The following WDR43 variants were observed in gnomAD, a reference collection of about 807,000 sequenced individuals.
WDR43 encodes WD repeat-containing protein 43.
WDR43 carries 13 observed loss-of-function variants against 91.4 expected under a neutral mutation model. The ratio of observed to expected loss-of-function variants is 0.14; its 90% CI spans 0.09 to 0.23. WDR43 has a LOEUF of 0.23. WDR43 is among the 10% of genes least tolerant of loss of function. The pLI, the probability that WDR43 is intolerant of heterozygous loss-of-function variation, is 1.00. For missense variants in WDR43, 780 were observed against 809.4 expected (o/e 0.96, Z 0.44); for synonymous variants, 331 against 287.9 (o/e 1.15, Z -1.51).
rs150831270 is a variant in WDR43 at position 28,946,964 on chromosome 2, A to G, written c.*185A>G. 2.4e-3 allele frequency: 1,441 copies of G among 598,938 alleles called. 33 individuals are homozygous for G. In the East Asian group the frequency reaches 0.04, roughly 17 times the overall value. 37.1% of individuals were successfully genotyped at this position (598,938 alleles called of 1,614,324 possible). ...CTGTGTAAATAAGAGTGTTTCATTC[A>G]AATGTTAATAAACTTTACACAGTAT... On this transcript the variant is annotated 3_prime_UTR_variant, in exon 18 of 18. Coordinates refer to ENST00000407426, the MANE Select transcript of WDR43 (RefSeq NM_015131.3).
At chr2:28,932,350 A>G (rs533625914) in intron 11 of WDR43, among the ~76,000 whole-genome samples, 20 of 152,222 alleles carry the variant, frequency 1.3e-4, no homozygotes, top group Non-Finnish European at 2.2e-4. Context: ...TTTAGTAGAG[A>G]CAGGACTTCA....
intron 5 of WDR43, among the ~76,000 whole-genome samples, chr2:28,914,528 G>C (rs1239051409): frequency 6.6e-6 from 1 of 152,224 alleles, no homozygotes; most frequent in African/African-American, 2.4e-5. Context: ...GGTTAATGCA[G>C]TAGTGTCTGT....
intron 4 of WDR43, among the ~76,000 whole-genome samples, 199 bp downstream of exon 4, chr2:28,912,909 A>G (rs1670830661): frequency 6.6e-6 from 1 of 150,728 alleles, no homozygotes; most frequent in African/African-American, 2.5e-5. Flanking sequence ...CTTCAAACGT[A>G]TTGGAAAAAT....
At chr2:28,898,695 TA>T (rs765987185) in intron 1 of WDR43, among the ~76,000 whole-genome samples, 225 of 146,708 alleles carry the variant, frequency 1.5e-3, no homozygotes, top group African/African-American at 5.1e-3. Context: ...ATTGTAACAT[TA>T]AAAAAAAAAC....
intron 14 of WDR43, among the ~76,000 whole-genome samples, chr2:28,938,705 C>G (rs986171294): frequency 6.6e-6 from 1 of 152,148 alleles, no homozygotes; most frequent in African/African-American, 2.4e-5. Flanking sequence ...TGTCACAGTC[C>G]CTTGTTCTCT....
At position 28,935,580 on chromosome 2, in the gene WDR43, G is replaced by A. The variant is rs1671322275; in HGVS notation, c.1497G>A (p.Leu499=). 6.3e-7 allele frequency: 1 copy of A among 1,597,428 alleles called. No homozygotes were observed. The highest frequency in any genetic ancestry group is 8.5e-7 in the Non-Finnish European group (1 of 1,173,006). ...AGAAGACTGTATTAAGGATGCCCCT[G>A]CATACTATTATTCCGTTGTTACAAG... ...LIKKTVLRMP[L]HTIIPLLQEL... is the part of the protein sequence containing the mutation. Residue 499 remains leucine, a synonymous_variant, in exon 12 of 18, where the codon CTG becomes CTA. Transcript: ENST00000407426.
chr2:28,930,408 T>G (rs1238082931), intron 11 of WDR43, among the ~76,000 whole-genome samples: 1 of 152,232 alleles, frequency 6.6e-6, no homozygotes, highest in East Asian at 1.9e-4. Flanking sequence ...TGCTAATGCA[T>G]TTATTCTTAA....
At chr2:28,898,091 T>C (rs757255862) in intron 1 of WDR43, among the ~76,000 whole-genome samples, 1 of 152,246 alleles carries the variant, frequency 6.6e-6, no homozygotes, top group African/African-American at 2.4e-5. Flanking sequence ...ACCTAGGAAC[T>C]GATGCTGCTA....
intron 15 of WDR43, 131 bp downstream of exon 15, chr2:28,941,705 A>C: frequency 4.6e-6 from 3 of 658,466 alleles, no homozygotes; most frequent in Non-Finnish European, 7.7e-6. Context: ...ATCATAGCTC[A>C]CTGCAGCCTC....
Position 28,921,665 on chromosome 2 carries a change from G to A in WDR43, c.850-1254G>A, listed in dbSNP as rs72856130. Among the ~76,000 whole-genome samples the A allele has an allele frequency of 3.1e-3, 470 of 152,206 alleles. 3 individuals are homozygous for A. Among genetic ancestry groups the A allele is most frequent in the African/African-American group, 0.011 (454 of 41,530 alleles). ...GCCTGTCAGTTGGAGTTGCAGAACG[G>A]GGAACTAGAAAATTTGATGGCGGAG... On this transcript the variant is annotated intron_variant, in intron 6 of 17. Transcript: ENST00000407426.
intron 12 of WDR43, among the ~76,000 whole-genome samples, chr2:28,935,913 G>A (rs929662119): frequency 9.9e-5 from 15 of 152,136 alleles, no homozygotes; most frequent in Non-Finnish European, 2.1e-4. Flanking sequence ...TCATCTACAT[G>A]GGAATAATTG....
At chr2:28,914,464 T>A (rs1670869841) in intron 5 of WDR43, among the ~76,000 whole-genome samples, 1 of 152,228 alleles carries the variant, frequency 6.6e-6, no homozygotes, top group Non-Finnish European at 1.5e-5. Flanking sequence ...CAATTTAGAA[T>A]ATCTTTTAAA....
At chr2:28,925,536 T>G (rs1226460930) in intron 8 of WDR43, among the ~76,000 whole-genome samples, 1 of 152,222 alleles carries the variant, frequency 6.6e-6, no homozygotes, top group African/African-American at 2.4e-5. Flanking sequence ...TTTGCCTAGT[T>G]ACGAAGATAT....
rs1670585845 is a variant in WDR43 at position 28,902,026 on chromosome 2, G to A, written c.265G>A (p.Gly89Arg). ...QRKKRKSEAVGMSNQTDLLAL... is the reference protein window; with the variant it reads ...QRKKRKSEAVRMSNQTDLLAL... ...GAAAAAAAGGAAATCAGAAGCTGTA[G>A]GAATGAGTAACCAGACTGACTTATT... The change falls in exon 2 of 18, where the codon GGA becomes AGA. Residue 89 changes from glycine (G) to arginine (R), a missense_variant. Physicochemically the swap from Gly to Arg is moderately radical, Grantham distance 125 (BLOSUM62 -2). This residue lies in a region of WDR43 where 174 missense variants were observed against 207.3 expected (regional missense o/e 0.84). Coordinates refer to ENST00000407426, the MANE Select transcript of WDR43 (RefSeq NM_015131.3). 4.4e-6 allele frequency: 7 copies of A among 1,606,258 alleles called. No individual in the cohort carries two copies. The highest frequency in any genetic ancestry group is 1.3e-5 in the African/African-American group (1 of 74,370).
chr2:28,899,644 G>A (rs1178191799), intron 1 of WDR43, among the ~76,000 whole-genome samples: 1 of 152,172 alleles, frequency 6.6e-6, no homozygotes, highest in Non-Finnish European at 1.5e-5. Flanking sequence ...TGTTTAGATA[G>A]TAAATGCCAA....
chr2:28,937,070 C>T, intron 13 of WDR43, 117 bp downstream of exon 13: 13 of 938,676 alleles, frequency 1.4e-5, no homozygotes, highest in Non-Finnish European at 2.1e-5. Flanking sequence ...AACCCCTCGC[C>T]ACCTCCCTTA....
chr2:28,912,069 T>G (rs1387929925), intron 3 of WDR43, among the ~76,000 whole-genome samples: 1 of 152,242 alleles, frequency 6.6e-6, no homozygotes, highest in African/African-American at 2.4e-5. Context: ...AATTTTTACC[T>G]GTCAGATTGG....
In WDR43 at chr2:28,946,741, T is replaced by G. The variant is rs372390206; in HGVS notation, c.1996T>G (p.Ser666Ala). Residue 666 changes from serine (S) to alanine (A), a missense_variant, in exon 18 of 18, where the codon TCT (serine) becomes GCT (alanine). Around this residue, in one of 4 missense-constraint regions of WDR43, gnomAD observed 426 missense variants for 467.8 expected, o/e 0.91. Transcript: ENST00000407426. ...AAGTGAAAAAGAATTAAATGGAGAT[T>G]CTGATTTAGATCCTGAAAATGAAAG... ...TASEKELNGDSDLDPENESEE... is the reference protein window; with the variant it reads ...TASEKELNGDADLDPENESEE... 1.3e-6 allele frequency: 2 copies of G among 1,587,060 alleles called. No individual in the cohort carries two copies. Among genetic ancestry groups the G allele is most frequent in the Non-Finnish European group, 1.7e-6 (2 of 1,166,850 alleles).
Position 28,926,522 on chromosome 2 carries a change from T to C in WDR43, c.1141T>C (p.Trp381Arg), listed in dbSNP as rs1418787541. Residue 381 changes from tryptophan (W) to arginine (R), a missense_variant, in exon 9 of 18, where the codon TGG becomes CGG. Transcript: ENST00000407426. ...TTTAGTAAGAGATATTTCAAACTGC[T>C]GGGCCCCCAAAGTAGAAACAGCTAT... ...MCLVRDISNC[W>R]APKVETAITK... 2 of 1,600,406 alleles carry C rather than the reference T, an allele frequency of 1.2e-6. No individual in the cohort carries two copies. Among genetic ancestry groups the C allele is most frequent in the South Asian group, 1.1e-5 (1 of 88,472 alleles).
Sources: gnomAD v4.1 joint callset for allele counts (sites outside exome capture counted in the v4.1 genomes callset) on GRCh38, gnomAD v4.1.1 for gene constraint, gnomAD v4.1.1 regional missense constraint, MANE v1.5 for transcripts, NCBI Gene and HGNC (gene_info 2026-07-23, HGNC 2026-07-21) for gene names.